The following LRFN5 variants were observed in gnomAD, a reference collection of about 807,000 sequenced individuals.
LRFN5 encodes leucine-rich repeat and fibronectin type-III domain-containing protein 5.
A neutral mutation model predicts 45.6 loss-of-function variants in LRFN5; 24 were observed. The observed-to-expected ratio is 0.53, with a 90% CI of 0.38 to 0.74. The LOEUF is 0.74. LRFN5 is among the 30% of genes least tolerant of loss of function. The probability of loss-of-function intolerance (pLI) is 0.00; values close to 1 mark genes in which losing one functional copy is unlikely to be tolerated. For synonymous variants in LRFN5, 340 were observed against 313.8 expected (o/e 1.08, Z -0.88); for missense variants, 776 against 861.5 (o/e 0.90, Z 1.24).
chr14:41,780,905 A>T (rs1171431151), intron 2 of LRFN5, among the ~76,000 whole-genome samples: 1 of 152,178 alleles, frequency 6.6e-6, no homozygotes, highest in Non-Finnish European at 1.5e-5. Context: ...ACTTTTAAGT[A>T]ACACTATACT....
intron 5 of LRFN5, among the ~76,000 whole-genome samples, chr14:41,903,938 A>G (rs1037662703): frequency 2.0e-5 from 3 of 152,068 alleles, no homozygotes; most frequent in African/African-American, 7.2e-5. Context: ...ATACTTTTAT[A>G]TATTCACCAA....
At chr14:41,839,234 A>T (rs1242530382) in intron 2 of LRFN5, among the ~76,000 whole-genome samples, 1 of 152,128 alleles carries the variant, frequency 6.6e-6, no homozygotes, top group Non-Finnish European at 1.5e-5. Context: ...CTCAGAGTAG[A>T]AATCGAAGTG....
chr14:41,643,679 C>T (rs1027685697), intron 1 of LRFN5, among the ~76,000 whole-genome samples: 1 of 151,378 alleles, frequency 6.6e-6, no homozygotes, highest in African/African-American at 2.4e-5. Context: ...CACTGGCATG[C>T]ACGTGAGAGT....
At chr14:41,737,348 A>C (rs1321014060) in intron 1 of LRFN5, among the ~76,000 whole-genome samples, 1 of 152,192 alleles carries the variant, frequency 6.6e-6, no homozygotes, top group Non-Finnish European at 1.5e-5. Flanking sequence ...GATGAAACGT[A>C]TCTTAAAATA....
chr14:41,671,617 G>GTTTTTTTTTTTTT (rs914212982), intron 1 of LRFN5, among the ~76,000 whole-genome samples: 1,374 of 77,976 alleles, frequency 0.018, 274 homozygotes, highest in East Asian at 0.035. Flanking sequence ...TTTTTTTTTC[G>GTTTTTTTTTTTTT]TTTTTTTTTT....
In LRFN5 at chr14:41,894,362, T is replaced by C. The variant is rs114850472; in HGVS notation, c.2098+2400T>C. 4.9e-4 allele frequency: 411 copies of C among 843,464 alleles called. No homozygotes were observed. In the African/African-American group the frequency reaches 7.3e-3, roughly 15 times the overall value. The allele number at this position is 843,464 out of a possible 1,614,324, so 52.2% of individuals were successfully genotyped here. ...ATTTAAAATTCCATATTTAATCATA[T>C]GAGATTTATTTTGTTTGACTAACAC... On this transcript the variant is annotated intron_variant, in intron 4 of 5. Coordinates refer to ENST00000298119, the MANE Select transcript of LRFN5 (RefSeq NM_152447.5).
chr14:41,658,245 A>G (rs1880469645), intron 1 of LRFN5, among the ~76,000 whole-genome samples: 1 of 151,990 alleles, frequency 6.6e-6, no homozygotes, highest in Admixed American at 6.6e-5. Context: ...TTGCAAAAAC[A>G]CCAGACTAAT....
intron 3 of LRFN5, 50 bp from the exon 4 acceptor site, chr14:41,891,200 A>G (rs776494536): frequency 8.7e-6 from 12 of 1,385,748 alleles, no homozygotes; most frequent in Admixed American, 3.5e-5. Context: ...CTTTCTGTGT[A>G]TGTGTTTTGT....
chr14:41,712,564 G>A (rs1390933094), intron 1 of LRFN5, among the ~76,000 whole-genome samples: 1 of 152,120 alleles, frequency 6.6e-6, no homozygotes, highest in Non-Finnish European at 1.5e-5. Flanking sequence ...AAATTAATAT[G>A]TAAAGAGAAA....
intron 1 of LRFN5, among the ~76,000 whole-genome samples, chr14:41,739,424 C>T (rs1040205831): frequency 1.3e-5 from 2 of 151,102 alleles, no homozygotes; most frequent in African/African-American, 4.9e-5. Flanking sequence ...TCATCATCAT[C>T]TTGAAGAACT....
intron 5 of LRFN5, among the ~76,000 whole-genome samples, chr14:41,903,358 T>TA (rs1399451123): frequency 6.6e-6 from 1 of 151,322 alleles, no homozygotes; most frequent in Non-Finnish European, 1.5e-5. Flanking sequence ...AATTCCCAAA[T>TA]AAAAAATTGT....
intron 2 of LRFN5, among the ~76,000 whole-genome samples, chr14:41,867,054 G>T (rs774329542): frequency 6.6e-6 from 1 of 151,944 alleles, no homozygotes; most frequent in Non-Finnish European, 1.5e-5. Context: ...ACACTGAAAA[G>T]GTTATTGACA....
intron 3 of LRFN5, among the ~76,000 whole-genome samples, chr14:41,890,288 G>A (rs545512071): frequency 2.6e-5 from 4 of 152,178 alleles, no homozygotes; most frequent in East Asian, 3.8e-4. Context: ...CTGGTCAATA[G>A]CCTTGCCTTG....
At chr14:41,763,487 C>T (rs1885753396) in intron 1 of LRFN5, among the ~76,000 whole-genome samples, 1 of 152,078 alleles carries the variant, frequency 6.6e-6, no homozygotes, top group African/African-American at 2.4e-5. Context: ...TTAGTATTGG[C>T]ACCTTATGTG....
chr14:41,741,828 C>CAAAAAAAAA, intron 1 of LRFN5, among the ~76,000 whole-genome samples: 1 of 133,424 alleles, frequency 7.5e-6, no homozygotes, highest in Non-Finnish European at 1.7e-5. Flanking sequence ...AAAAAAAAAC[C>CAAAAAAAAA]AAAAAACTAA....
At chr14:41,892,217 C>A (rs1295588186) in intron 4 of LRFN5, 2 of 984,968 alleles carry the variant, frequency 2.0e-6, no homozygotes, top group African/African-American at 1.7e-5. Flanking sequence ...CATGAAAAAT[C>A]ATTTTGAGAA....
At chr14:41,689,776 T>C (rs1227132766) in intron 1 of LRFN5, among the ~76,000 whole-genome samples, 1 of 149,688 alleles carries the variant, frequency 6.7e-6, no homozygotes, top group Non-Finnish European at 1.5e-5. Flanking sequence ...GCGCCTGTAG[T>C]CCCAGCTACT....
chr14:41,823,638 A>C (rs1594441594), intron 2 of LRFN5, among the ~76,000 whole-genome samples: 2 of 152,182 alleles, frequency 1.3e-5, no homozygotes, highest in African/African-American at 4.8e-5. Context: ...TTTGTCTTGC[A>C]ATGTATTTTT....
chr14:41,650,928 G>GGAGA (rs1880094971), intron 1 of LRFN5, among the ~76,000 whole-genome samples: 1 of 141,096 alleles, frequency 7.1e-6, no homozygotes, highest in Non-Finnish European at 1.6e-5. Flanking sequence ...AGGGAGGGAG[G>GGAGA]GAGAGGGAGA....
Sources: gnomAD v4.1 joint callset for allele counts (sites outside exome capture counted in the v4.1 genomes callset) on GRCh38, gnomAD v4.1.1 for gene constraint, MANE v1.5 for transcripts, NCBI Gene and HGNC (gene_info 2026-07-23, HGNC 2026-07-21) for gene names.